PSG7: variants seen among roughly 807,000 people sequenced by gnomAD.
PSG7 encodes the protein pregnancy-specific beta-1-glycoprotein 7.
A neutral mutation model predicts 45.6 loss-of-function variants in PSG7; 57 were observed. The observed-to-expected ratio is 1.25, with a 90% CI of 1.01 to 1.56. The LOEUF is 1.56. Among genes scored for constraint, PSG7 ranks in the 40% most tolerant of loss-of-function variants. PSG7 has a pLI of 0.00. For missense variants in PSG7, 796 were observed against 508.4 expected (o/e 1.57, Z -5.44); for synonymous variants, 298 against 194.4 (o/e 1.53, Z -4.43).
chr19:42,926,812 A>C (rs1212423264), intron 3 of PSG7, 96 bp from the exon 4 acceptor site: 3 of 1,549,556 alleles, frequency 1.9e-6, no homozygotes, highest in Non-Finnish European at 2.6e-6. Flanking sequence ...ACCTGTCAAC[A>C]CGTGTGAGTC....
chr19:42,930,284 C>T (rs34216217), intron 2 of PSG7, among the ~76,000 whole-genome samples: 5,326 of 151,698 alleles, frequency 0.035, 208 homozygotes, highest in Non-Finnish European at 0.054. Flanking sequence ...GTTCAGTCAT[C>T]AGGCAGTGCA....
chr19:42,935,493 T>A lies in PSG7; in HGVS notation c.341A>T (p.Gln114Leu), dbSNP rs782286322. Residue 114 changes from glutamine (Q) to leucine (L), a missense_variant, in exon 2 of 6, where the codon CAG (glutamine) becomes CTG (leucine). By Grantham distance (113) the Gln-to-Leu change is moderately radical. Transcript: ENST00000406070. Reference protein sequence around the residue: ...NASLLIQNVTQEDTGSYTLHI... With the variant: ...NASLLIQNVTLEDTGSYTLHI... The stretch of plus-strand genomic sequence containing the variant: ...TAAAGTGTAGGATCCTGTGTCTTCC[T>A]GGGTGACATTCTGGATCAGCAGGGA... 1.9e-6 allele frequency: 3 copies of A among 1,612,104 alleles called. No individual in the cohort carries two copies. Among genetic ancestry groups the A allele is most frequent in the African/African-American group, 2.7e-5 (2 of 74,626 alleles).
intron 5 of PSG7, 40 bp downstream of exon 5, chr19:42,925,733 A>C: frequency 6.2e-7 from 1 of 1,610,976 alleles, no homozygotes; most frequent in African/African-American, 1.3e-5. Context: ...GATAGACTGC[A>C]CCTAAAACCC....
At chr19:42,932,557 A>T (rs370734120) in intron 2 of PSG7, among the ~76,000 whole-genome samples, 27 of 151,512 alleles carry the variant, frequency 1.8e-4, no homozygotes, top group Admixed American at 4.6e-4. Flanking sequence ...TGACACCCTG[A>T]TGAGTCCGTG....
At chr19:42,933,299 ATATATATATT>A (rs1973070430) in intron 2 of PSG7, among the ~76,000 whole-genome samples, 2 of 14,652 alleles carry the variant, frequency 1.4e-4, no homozygotes, top group Non-Finnish European at 3.0e-4. Flanking sequence ...ATATATATAT[ATATATATATT>A]TTTTTTTTTT....
chr19:42,936,640 T>C (rs76688143), intron 1 of PSG7: 1 of 213,820 alleles, frequency 4.7e-6, no homozygotes, highest in African/African-American at 2.4e-5. Flanking sequence ...TCTTTCCTTT[T>C]TTTTCTTTTT....
chr19:42,937,067 G>A lies in PSG7; in HGVS notation c.10C>T (p.Leu4Phe), dbSNP rs377017585. Residue 4 changes from leucine (L) to phenylalanine (F), a missense_variant, in exon 1 of 6, where the codon CTC becomes TTC. Coordinates refer to ENST00000406070, the MANE Select transcript of PSG7 (RefSeq NM_002783.3). ...TGCTGTGTGCAGGGAGGGGCTGAGA[G>A]GGGCCCCATGGTCTCTGCTCCCTGC... MGP[L>F]SAPPCTQHIT... The A allele has an allele frequency of 8.1e-6, 13 of 1,611,328 alleles. No homozygotes were observed. The East Asian group carries it at 2.9e-4, about 36-fold the overall frequency.
At chr19:42,925,529 T>C (rs1303477853) in intron 5 of PSG7, 27 of 1,043,702 alleles carry the variant, frequency 2.6e-5, no homozygotes, top group Non-Finnish European at 3.2e-5. Context: ...TTATTATCAA[T>C]TATTTCAATG....
intron 2 of PSG7, among the ~76,000 whole-genome samples, chr19:42,932,054 CTCTT>C (rs1973032161): frequency 6.6e-6 from 1 of 151,154 alleles, no homozygotes; most frequent in Non-Finnish European, 1.5e-5. Context: ...GACAGAGTCT[CTCTT>C]TGTCACCCAG....
rs767098177 is a variant in PSG7, at chr19:42,925,788, T to G, written c.1228A>C (p.Thr410Pro). 2 of 1,612,102 alleles carry G rather than the reference T, an allele frequency of 1.2e-6. No homozygotes were observed. The highest frequency in any genetic ancestry group is 1.7e-6 in the Non-Finnish European group (2 of 1,179,036). Residue 410 changes from threonine to proline, a missense_variant, in exon 5 of 6, where the codon ACA (threonine) becomes CCA (proline). By Grantham distance (38) the Thr-to-Pro change is conservative. Transcript: ENST00000406070. ...ATGKESSKSVTVRVSDWTLP is the reference protein window; with the variant it reads ...ATGKESSKSVPVRVSDWTLP The stretch of plus-strand genomic sequence containing the variant: ...ATCCACTTACCAGAGACTCTGACTG[T>G]CACGGATTTGGAGCTTTCCTTGCCA...
chr19:42,935,873 G>GACACACACACACACAC (rs60833164), intron 1 of PSG7, 104 bp from the exon 2 acceptor site: 15 of 729,508 alleles, frequency 2.1e-5, no homozygotes, highest in East Asian at 6.2e-5. Flanking sequence ...CAGCCTTGAA[G>GACACACACACACACAC]ACACACACAC....
chr19:42,926,961 A>G lies in PSG7; in HGVS notation c.710-245T>C, dbSNP rs372140952. Reference sequence around the variant, plus strand: ...GTCAATTGAGCAGCAGTGCTGGGTCATGGACAGACATGTCAGTGGGAGTCA... The same window carrying G: ...GTCAATTGAGCAGCAGTGCTGGGTCGTGGACAGACATGTCAGTGGGAGTCA... On this transcript the variant is annotated intron_variant, in intron 3 of 5. Transcript: ENST00000406070. 20 of 727,648 alleles carry G rather than the reference A, an allele frequency of 2.7e-5. No homozygotes were observed. In the South Asian group the frequency reaches 2.8e-4, roughly 10 times the overall value. The allele number at this position is 727,648 out of a possible 1,614,324, so 45.1% of individuals were successfully genotyped here.
At chr19:42,925,320 T>C (rs1397104470) in intron 5 of PSG7, 2 of 354,506 alleles carry the variant, frequency 5.6e-6, no homozygotes, top group East Asian at 1.5e-4. Flanking sequence ...ATATCAATAC[T>C]CATGAATAGT....
In PSG7 at chr19:42,935,405, G is replaced by C; in HGVS notation, c.429C>G (p.Tyr143Ter). ...GVTGRFTFTLYLETPKPSISS... is the reference protein window; with the variant it reads ...GVTGRFTFTL ...CAGGGACCATGTGGAATCACTCACG[G>C]TATAAGGTGAAGGTGAAACGTCCAG... The change falls in exon 2 of 6, where the codon TAC becomes TAG. Residue 143 changes from tyrosine to a stop codon, truncating the protein, a stop_gained and splice_region_variant. Transcript: ENST00000406070. LOFTEE classifies it high-confidence loss of function. 3 of 1,611,568 alleles carry C rather than the reference G, an allele frequency of 1.9e-6. No homozygotes were observed. The highest frequency in any genetic ancestry group is 2.5e-6 in the Non-Finnish European group (3 of 1,178,702).
chr19:42,924,436 G>C lies in PSG7; in HGVS notation c.*372C>G. 1 of 486,250 alleles carries C rather than the reference G, an allele frequency of 2.1e-6. No homozygotes were observed. 30.1% of individuals were successfully genotyped at this position (486,250 alleles called of 1,614,324 possible). ...ATCTGACACTCTGTTGTTACCCTCA[G>C]AAGCTCCTATACTACATGTGAAATT... On this transcript the variant is annotated 3_prime_UTR_variant, in exon 6 of 6. Transcript: ENST00000406070.
chr19:42,936,984 T>G (rs1973165297), intron 1 of PSG7, 29 bp downstream of exon 1: 1 of 1,608,784 alleles, frequency 6.2e-7, no homozygotes, highest in Non-Finnish European at 8.5e-7. Context: ...TTCCTTTTCC[T>G]GTCCTCTCCC....
intron 2 of PSG7, among the ~76,000 whole-genome samples, chr19:42,931,629 T>A (rs1401028580): frequency 6.6e-6 from 1 of 151,390 alleles, no homozygotes; most frequent in Non-Finnish European, 1.5e-5. Context: ...CTAAGTGAGA[T>A]GGCAATGGCT....
At chr19:42,926,211 G>T in intron 4 of PSG7, 184 bp from the exon 5 acceptor site, 1 of 1,387,604 alleles carries the variant, frequency 7.2e-7, no homozygotes, top group Middle Eastern at 2.6e-4. Flanking sequence ...CAAGCTGTGG[G>T]CCCCAAGTCT....
At chr19:42,931,715 G>C (rs1429058406) in intron 2 of PSG7, among the ~76,000 whole-genome samples, 11 of 151,510 alleles carry the variant, frequency 7.3e-5, no homozygotes, top group Non-Finnish European at 1.3e-4. Context: ...ATGTGGCACA[G>C]GCAGTAAAAC....
Sources: allele counts gnomAD v4.1 joint callset (sites outside exome capture counted in the v4.1 genomes callset), GRCh38; gene constraint gnomAD v4.1.1; transcripts MANE v1.5; gene names NCBI Gene and HGNC (gene_info 2026-07-23, HGNC 2026-07-21).